Variants in LOXHD1 observed in about 807,000 individuals in gnomAD.
The protein encoded by LOXHD1 is lipoxygenase homology domain-containing protein 1.
LOXHD1 carries 205 observed loss-of-function variants against 248.2 expected under a neutral mutation model. The ratio of observed to expected loss-of-function variants is 0.83; its 90% CI spans 0.74 to 0.93. The LOEUF (loss-of-function observed/expected upper bound fraction) is 0.93. Ranked by LOEUF, LOXHD1 falls within the 40% of genes least tolerant of loss-of-function variation. The probability of loss-of-function intolerance (pLI) is 0.00; values close to 1 mark genes in which losing one functional copy is unlikely to be tolerated. For synonymous variants in LOXHD1, 1,113 were observed against 1,162.8 expected, an observed-to-expected ratio of 0.96 and a Z score of 0.87; for missense variants, 2,930 against 2,971.6, an observed-to-expected ratio of 0.99 and a Z score of 0.33.
At chr18:46,537,137 C>G (rs982259351) in intron 26 of LOXHD1, among the ~76,000 whole-genome samples, 3 of 152,146 alleles carry the variant, frequency 2.0e-5, no homozygotes, top group African/African-American at 7.2e-5. Flanking sequence ...CAACTCAAAG[C>G]CACCTCTTCC....
chr18:46,589,204 C>T lies in LOXHD1; in HGVS notation c.1654+2729G>A, dbSNP rs530033785. Among the ~76,000 whole-genome samples the T allele has an allele frequency of 3.3e-5, 5 of 152,320 alleles. No individual in the cohort carries two copies. In the South Asian group the frequency reaches 8.3e-4, roughly 25 times the overall value. On this transcript the variant is annotated intron_variant, in intron 12 of 40. Transcript: ENST00000642948. ...CCGGAAGGAATGCTGAGGGCAGTCACGCCCCAGGAGCAGTGTTTCTTGTGA... is the reference window on the plus strand; with the variant it reads ...CCGGAAGGAATGCTGAGGGCAGTCATGCCCCAGGAGCAGTGTTTCTTGTGA...
At chr18:46,555,365 C>T (rs62097104) in intron 21 of LOXHD1, 162,092 of 339,250 alleles carry the variant, frequency 0.48, 39,696 homozygotes, top group South Asian at 0.52. Context: ...GGTCAGGACC[C>T]TGGTTCCCAG....
intron 26 of LOXHD1, among the ~76,000 whole-genome samples, chr18:46,535,630 G>A (rs1001106885): frequency 2.0e-5 from 3 of 152,012 alleles, no homozygotes; most frequent in African/African-American, 4.8e-5. Context: ...GTGCAGTGGC[G>A]CAAACTCAGC....
intron 12 of LOXHD1, among the ~76,000 whole-genome samples, chr18:46,581,200 C>T (rs1180192836): frequency 6.6e-6 from 1 of 151,912 alleles, no homozygotes; most frequent in Non-Finnish European, 1.5e-5. Flanking sequence ...GAGGATGGTG[C>T]CTAGGACTGG....
Position 46,534,306 on chromosome 18 carries a change from A to G in LOXHD1, c.4212+29T>C, listed in dbSNP as rs763650852. 23 of 1,492,370 alleles carry G rather than the reference A, an allele frequency of 1.5e-5. No individual in the cohort carries two copies. In the South Asian group the frequency reaches 2.7e-4, roughly 17 times the overall value. 92.4% of individuals were successfully genotyped at this position (1,492,370 alleles called of 1,614,324 possible). On this transcript the variant is annotated intron_variant, in intron 27 of 40. Transcript: ENST00000642948. The stretch of plus-strand genomic sequence containing the variant: ...CCTGCTCTGGAAAGGGACAAAAGAA[A>G]CAGCAGGACAGACCAGTCAACAACT...
intron 29 of LOXHD1, among the ~76,000 whole-genome samples, chr18:46,528,811 A>G (rs549838890): frequency 1.7e-3 from 263 of 152,338 alleles, no homozygotes; most frequent in Non-Finnish European, 3.0e-3. Flanking sequence ...AGTCTCTGTC[A>G]GCACAGCCCC....
chr18:46,484,894 G>T, intron 39 of LOXHD1, 125 bp downstream of exon 39: 1 of 1,162,330 alleles, frequency 8.6e-7, no homozygotes. Context: ...CACAGTAGGT[G>T]CTCAGTAAGT....
intron 26 of LOXHD1, among the ~76,000 whole-genome samples, chr18:46,536,193 T>C (rs2036300508): frequency 2.0e-5 from 3 of 152,216 alleles, no homozygotes; most frequent in African/African-American, 4.8e-5. Flanking sequence ...ATCAGGTCCT[T>C]AGAACTGTGC....
At chr18:46,652,465 C>T (rs1388321217) in intron 1 of LOXHD1, among the ~76,000 whole-genome samples, 1 of 152,196 alleles carries the variant, frequency 6.6e-6, no homozygotes, top group Admixed American at 6.5e-5. Flanking sequence ...TGGAAAAGTT[C>T]TCTGCCTATT....
chr18:46,610,749 G>A, intron 6 of LOXHD1, 27 bp downstream of exon 6: 2 of 1,538,896 alleles, frequency 1.3e-6, no homozygotes, highest in Non-Finnish European at 1.8e-6. Flanking sequence ...AAGGCCACAG[G>A]GACTGCAGAG....
chr18:46,557,407 G>T lies in LOXHD1; in HGVS notation c.3299C>A (p.Ala1100Glu), dbSNP rs758287562. 2.9e-5 allele frequency: 45 copies of T among 1,552,228 alleles called. No individual in the cohort carries two copies. In the African/African-American group the frequency reaches 4.4e-4, roughly 15 times the overall value. Reference sequence around the variant, plus strand: ...GTCTATTCTGTCCAGGAACCAGCCTGCTCTGTTGCCTGTGTTGTCGTGGCG... The same window carrying T: ...GTCTATTCTGTCCAGGAACCAGCCTTCTCTGTTGCCTGTGTTGTCGTGGCG... ...RIRHDNTGNR[A>E]GWFLDRIDIT... Residue 1100 changes from alanine (A) to glutamate (E), a missense_variant, in exon 21 of 41, where the codon GCA (alanine) becomes GAA (glutamate). Transcript: ENST00000642948.
chr18:46,559,162 A>G (rs779006244), intron 20 of LOXHD1: 1 of 1,409,502 alleles, frequency 7.1e-7, no homozygotes, highest in South Asian at 1.2e-5. Context: ...GAACCCCCGC[A>G]TCCCTACCAA....
Position 46,529,286 on chromosome 18 carries a change from G to A in LOXHD1, c.4421C>T (p.Ala1474Val), listed in dbSNP as rs1446248297. The change falls in exon 29 of 41, where the codon GCA becomes GTA. Residue 1474 changes from alanine (A) to valine (V), a missense_variant. Coordinates refer to ENST00000642948, the MANE Select transcript of LOXHD1 (RefSeq NM_001384474.1). Reference sequence around the variant, plus strand: ...GATGTACACCTTGGCATCCGTCCCTGCCCCAGGAATGTTCCCTGTGAAGAT... The same window carrying A: ...GATGTACACCTTGGCATCCGTCCCTACCCCAGGAATGTTCCCTGTGAAGAT... ...VQIFTGNIPG[A>V]GTDAKVYITI... 1 of 1,551,696 alleles carries A rather than the reference G, an allele frequency of 6.4e-7. No individual in the cohort carries two copies. The highest frequency in any genetic ancestry group is 1.2e-5 in the South Asian group (1 of 84,014).
intron 17 of LOXHD1, among the ~76,000 whole-genome samples, chr18:46,564,093 AGTGTGT>A (rs57471507): frequency 6.7e-4 from 100 of 149,028 alleles, no homozygotes; most frequent in African/African-American, 1.3e-3. Context: ...GGAGAGAGAG[AGTGTGT>A]GTGTGTGTGT....
chr18:46,601,370 C>T lies in LOXHD1; in HGVS notation c.981G>A (p.Lys327=), dbSNP rs1168473818. ...YLVMYGARGN[K]NSGKIFLEGG... is the part of the protein sequence containing the mutation. ...CCTCCAGGAAGATTTTCCCACTGTTCTTATTCCCTCTGGCCCCATACATGA... is the reference window on the plus strand; with the variant it reads ...CCTCCAGGAAGATTTTCCCACTGTTTTTATTCCCTCTGGCCCCATACATGA... Residue 327 remains lysine (K), a synonymous_variant, in exon 8 of 41, where the codon AAG becomes AAA. Coordinates refer to ENST00000642948, the MANE Select transcript of LOXHD1 (RefSeq NM_001384474.1). 2 of 1,551,732 alleles carry T rather than the reference C, an allele frequency of 1.3e-6. No homozygotes were observed. The highest frequency in any genetic ancestry group is 1.7e-6 in the Non-Finnish European group (2 of 1,146,992).
At chr18:46,481,427 G>A (rs1026289332) in intron 40 of LOXHD1, among the ~76,000 whole-genome samples, 2 of 152,120 alleles carry the variant, frequency 1.3e-5, no homozygotes, top group Non-Finnish European at 2.9e-5. Context: ...ACTGCAGGCA[G>A]GCAGGGGTGA....
At chr18:46,507,097 T>C (rs2034622877) in intron 36 of LOXHD1, among the ~76,000 whole-genome samples, 1 of 152,220 alleles carries the variant, frequency 6.6e-6, no homozygotes, top group Non-Finnish European at 1.5e-5. Flanking sequence ...GTTGCTCCAA[T>C]GAAGGTCAGA....
In LOXHD1 at chr18:46,591,926, T is replaced by C; in HGVS notation, c.1654+7A>G. ...CCTCCCAGGATGGAGAGCCTGTCAGTACTTACTGCCCATGATCCTGCGCAC... is the reference window on the plus strand; with the variant it reads ...CCTCCCAGGATGGAGAGCCTGTCAGCACTTACTGCCCATGATCCTGCGCAC... On this transcript the variant is annotated splice_region_variant and intron_variant, in intron 12 of 40. Transcript: ENST00000642948. 1 of 1,551,700 alleles carries C rather than the reference T, an allele frequency of 6.4e-7. No individual in the cohort carries two copies.
At chr18:46,485,983 C>G (rs994702194) in intron 38 of LOXHD1, among the ~76,000 whole-genome samples, 1 of 152,016 alleles carries the variant, frequency 6.6e-6, no homozygotes, top group Non-Finnish European at 1.5e-5. Flanking sequence ...CTCCCTCCCC[C>G]ACCCATAGTG....
Sources: gnomAD v4.1 joint callset for allele counts (sites outside exome capture counted in the v4.1 genomes callset) on GRCh38, gnomAD v4.1.1 for gene constraint, MANE v1.5 for transcripts, NCBI Gene and HGNC (gene_info 2026-07-23, HGNC 2026-07-21) for gene names.